Variants in NARS2 observed in about 807,000 individuals in gnomAD.
NARS2 encodes the protein asparaginyl-tRNA synthetase.
Under a neutral mutation model 62.9 loss-of-function variants are expected in NARS2, and 60 were observed. That is an observed-to-expected ratio of 0.95 (90% confidence interval 0.77 to 1.18). The LOEUF is 1.18. Ranked by LOEUF, NARS2 falls within the 50% of genes most tolerant of loss-of-function variation. The probability of loss-of-function intolerance (pLI) is 0.00; values close to 1 mark genes in which losing one functional copy is unlikely to be tolerated. For missense variants in NARS2, 619 were observed against 576.4 expected (o/e 1.07, Z -0.76); for synonymous variants, 196 against 200.0 (o/e 0.98, Z 0.17).
chr11:78,461,910 G>A (rs1375712701), intron 11 of NARS2, among the ~76,000 whole-genome samples: 2 of 152,048 alleles, frequency 1.3e-5, no homozygotes, highest in Non-Finnish European at 2.9e-5. Flanking sequence ...CCAAGATCGT[G>A]CCATTGCACT....
At chr11:78,540,567 A>AC (rs1242103228) in intron 5 of NARS2, among the ~76,000 whole-genome samples, 2 of 152,226 alleles carry the variant, frequency 1.3e-5, no homozygotes, top group African/African-American at 4.8e-5. Flanking sequence ...TTTGTACCCT[A>AC]CCCCCACCTT....
intron 10 of NARS2, among the ~76,000 whole-genome samples, chr11:78,468,561 C>T (rs1858731115): frequency 6.6e-6 from 1 of 151,294 alleles, no homozygotes; most frequent in Non-Finnish European, 1.5e-5. Context: ...CCCGCCACCT[C>T]ACCCAGCTAA....
At chr11:78,473,421 G>GT (rs1565221487) in intron 9 of NARS2, among the ~76,000 whole-genome samples, 3 of 152,144 alleles carry the variant, frequency 2.0e-5, no homozygotes, top group African/African-American at 7.2e-5. Context: ...CTCATGGTAG[G>GT]TATTTCCCTG....
At position 78,535,281 on chromosome 11, in the gene NARS2, C is replaced by T. The variant is rs993152244; in HGVS notation, c.595-6345G>A. Among the ~76,000 whole-genome samples, 8 of 152,256 alleles carry T rather than the reference C, an allele frequency of 5.3e-5. No individual in the cohort carries two copies. In the East Asian group the frequency reaches 5.8e-4, roughly 11 times the overall value. On this transcript the variant is annotated intron_variant, in intron 5 of 13. Coordinates refer to ENST00000281038, the MANE Select transcript of NARS2 (RefSeq NM_024678.6). Reference sequence around the variant, plus strand: ...TTTCCAGCACCTAAGTCGTCACTTCCGATTCTTGAAACAATGGTACATAAA... The same window carrying T: ...TTTCCAGCACCTAAGTCGTCACTTCTGATTCTTGAAACAATGGTACATAAA...
At position 78,465,921 on chromosome 11, in the gene NARS2, G is replaced by A. The variant is rs774064377; in HGVS notation, c.1119C>T (p.Leu373=). ...CATTATCCCTCATGTAGAAAGGCTTGAGTGTTAATGGATAATTAATAACGA... is the reference window on the plus strand; with the variant it reads ...CATTATCCCTCATGTAGAAAGGCTTAAGTGTTAATGGATAATTAATAACGA... ...PVFVINYPLT[L]KPFYMRDNED... The change falls in exon 11 of 14, where the codon CTC becomes CTT. Residue 373 remains leucine (L), a synonymous_variant. Transcript: ENST00000281038. 5.6e-6 allele frequency: 9 copies of A among 1,614,096 alleles called. No individual in the cohort carries two copies. Among genetic ancestry groups the A allele is most frequent in the Non-Finnish European group, 5.9e-6 (7 of 1,179,964 alleles).
At chr11:78,506,088 G>T (rs1447418730) in intron 6 of NARS2, among the ~76,000 whole-genome samples, 1 of 152,126 alleles carries the variant, frequency 6.6e-6, no homozygotes, top group African/African-American at 2.4e-5. Flanking sequence ...CAGCCAGTAA[G>T]CACATGAAAA....
chr11:78,525,047 G>A lies in NARS2; in HGVS notation c.689+3795C>T, dbSNP rs143451676. On this transcript the variant is annotated intron_variant, in intron 6 of 13. Transcript: ENST00000281038. Reference sequence around the variant, plus strand: ...AAGCAAAAGAAGCCAATCTAAAAGGGCTCTATGGTGTATGATTCCAACTAC... The same window carrying A: ...AAGCAAAAGAAGCCAATCTAAAAGGACTCTATGGTGTATGATTCCAACTAC... 5.3e-5 allele frequency among the ~76,000 whole-genome samples: 8 copies of A among 152,198 alleles called. No homozygotes were observed. In the East Asian group the frequency reaches 1.5e-3, roughly 29 times the overall value.
rs185537651 is a variant in NARS2 at position 78,566,682 on chromosome 11, T to C, written c.373-410A>G. Among the ~76,000 whole-genome samples the C allele has an allele frequency of 1.1e-3, 164 of 152,330 alleles. 2 individuals are homozygous for C. The highest frequency in any genetic ancestry group is 8.3e-3 in the Admixed American group (127 of 15,302). On this transcript the variant is annotated intron_variant, in intron 3 of 13. Transcript: ENST00000281038. ...TACACACAAGGCTGGTGTTCAATTT[T>C]AAAATTACCTATATGTCTTGAAAGC...
At chr11:78,471,587 GGTTA>G (rs779483335) in intron 9 of NARS2, among the ~76,000 whole-genome samples, 25 of 151,022 alleles carry the variant, frequency 1.7e-4, no homozygotes, top group Admixed American at 5.3e-4. Flanking sequence ...ACATTGTGCA[GGTTA>G]GTTACATATG....
chr11:78,438,064 T>G (rs543720167), intron 13 of NARS2, among the ~76,000 whole-genome samples: 1 of 151,578 alleles, frequency 6.6e-6, no homozygotes, highest in East Asian at 1.9e-4. Context: ...AGTTCTATAA[T>G]AAGACGTAAG....
intron 5 of NARS2, among the ~76,000 whole-genome samples, chr11:78,551,677 C>T (rs551974423): frequency 1.5e-4 from 23 of 152,124 alleles, no homozygotes; most frequent in African/African-American, 5.5e-4. Context: ...ATGGTGAAAT[C>T]CCGTCTCTAC....
At chr11:78,487,354 TAAAA>T (rs764364438) in intron 7 of NARS2, among the ~76,000 whole-genome samples, 3,392 of 92,324 alleles carry the variant, frequency 0.037, 120 homozygotes, top group African/African-American at 0.11. Context: ...AGGCTCTGTC[TAAAA>T]AAAAAAAAAA....
At chr11:78,486,311 C>T (rs898138203) in intron 7 of NARS2, among the ~76,000 whole-genome samples, 8 of 152,026 alleles carry the variant, frequency 5.3e-5, no homozygotes, top group Admixed American at 6.6e-5. Context: ...AAATGGGGGG[C>T]CAGACAGTGT....
At chr11:78,520,075 T>C (rs1001653377) in intron 6 of NARS2, among the ~76,000 whole-genome samples, 1 of 152,112 alleles carries the variant, frequency 6.6e-6, no homozygotes, top group Non-Finnish European at 1.5e-5. Flanking sequence ...TATAAAAAAA[T>C]AATAATTCAC....
chr11:78,469,764 C>CAG (rs140547889), intron 9 of NARS2, among the ~76,000 whole-genome samples: 13,080 of 146,452 alleles, frequency 0.089, 672 homozygotes, highest in African/African-American at 0.15. Context: ...ATGTGTGTGT[C>CAG]AGAGAGAGAG....
intron 10 of NARS2, among the ~76,000 whole-genome samples, chr11:78,468,089 T>G (rs962754291): frequency 6.7e-6 from 1 of 149,236 alleles, no homozygotes; most frequent in African/African-American, 2.5e-5. Flanking sequence ...GGCATGCTCC[T>G]CTAGTCCCAG....
chr11:78,503,882 C>T (rs1445266393), intron 6 of NARS2, among the ~76,000 whole-genome samples: 2 of 152,164 alleles, frequency 1.3e-5, no homozygotes. Flanking sequence ...ATGGCATGCT[C>T]TGCCATGCCA....
intron 6 of NARS2, among the ~76,000 whole-genome samples, chr11:78,507,239 C>T (rs953393135): frequency 2.1e-5 from 3 of 145,418 alleles, no homozygotes; most frequent in African/African-American, 7.6e-5. Context: ...CTTTGGGAGT[C>T]AGACATTAAA....
intron 13 of NARS2, among the ~76,000 whole-genome samples, chr11:78,438,195 A>G (rs191075553): frequency 6.6e-6 from 1 of 152,282 alleles, no homozygotes; most frequent in Admixed American, 6.5e-5. Flanking sequence ...CTAAGCACTT[A>G]TCTTTTTAAA....
Sources: allele counts gnomAD v4.1 joint callset (sites outside exome capture counted in the v4.1 genomes callset), GRCh38; gene constraint gnomAD v4.1.1; transcripts MANE v1.5; gene names NCBI Gene and HGNC (gene_info 2026-07-23, HGNC 2026-07-21).